Variants in CDK5RAP2 observed in about 807,000 individuals in gnomAD.
CDK5RAP2 encodes CDK5 regulatory subunit associated protein 2, also known as CDK5 regulatory subunit-associated protein 2.
CDK5RAP2 carries 147 observed loss-of-function variants against 232.9 expected under a neutral mutation model. The ratio of observed to expected loss-of-function variants is 0.63; its 90% CI spans 0.55 to 0.72. The LOEUF (loss-of-function observed/expected upper bound fraction) is 0.72, where lower values mean the gene tolerates loss of function less well. Ranked by LOEUF, CDK5RAP2 falls within the 30% of genes least tolerant of loss-of-function variation. The pLI is 0.00. For synonymous variants in CDK5RAP2, 833 were observed against 833.7 expected, an observed-to-expected ratio of 1.00 and a Z score of 0.01; for missense variants, 2,195 against 2,231.5, an observed-to-expected ratio of 0.98 and a Z score of 0.33.
chr9:120,393,838 C>T (rs2032217314), intron 36 of CDK5RAP2, among the ~76,000 whole-genome samples: 1 of 152,184 alleles, frequency 6.6e-6, no homozygotes, highest in Non-Finnish European at 1.5e-5. Flanking sequence ...CCTCTGGATC[C>T]CCAGCGTCCT....
intron 14 of CDK5RAP2, among the ~76,000 whole-genome samples, chr9:120,481,673 C>T (rs1223594041): frequency 1.3e-5 from 2 of 152,030 alleles, no homozygotes; most frequent in Non-Finnish European, 2.9e-5. Context: ...CCGCCACACT[C>T]GGCTAATTTT....
intron 10 of CDK5RAP2, among the ~76,000 whole-genome samples, chr9:120,527,003 G>A (rs747198678): frequency 2.1e-4 from 32 of 151,958 alleles, no homozygotes; most frequent in Non-Finnish European, 4.0e-4. Context: ...TCTGGATCAG[G>A]TCCCCTTCCC....
chr9:120,389,575 G>A lies in CDK5RAP2; in HGVS notation c.5625+166C>T, dbSNP rs554593281. 4.9e-4 allele frequency among the ~76,000 whole-genome samples: 75 copies of A among 152,196 alleles called. 1 individual carries two copies. Among genetic ancestry groups the A allele is most frequent in the African/African-American group, 1.7e-3 (69 of 41,520 alleles). Reference sequence around the variant, plus strand: ...AACTTAGAACCCCTACTGGCGACAGGGCATGATAAAACACAACTTTTCATG... The same window carrying A: ...AACTTAGAACCCCTACTGGCGACAGAGCATGATAAAACACAACTTTTCATG... On this transcript the variant is annotated intron_variant, in intron 37 of 37. Transcript: ENST00000349780.
chr9:120,480,359 A>G (rs1269614121), intron 14 of CDK5RAP2, among the ~76,000 whole-genome samples: 3 of 152,196 alleles, frequency 2.0e-5, no homozygotes, highest in Non-Finnish European at 4.4e-5. Context: ...ATTACCTTCA[A>G]TTATGAATTG....
chr9:120,467,795 G>C, intron 18 of CDK5RAP2, 65 bp downstream of exon 18: 1 of 1,564,146 alleles, frequency 6.4e-7, no homozygotes, highest in South Asian at 1.1e-5. Flanking sequence ...ACAGGCGTGA[G>C]CCACCATACC....
At position 120,394,196 on chromosome 9, in the gene CDK5RAP2, C is replaced by T. The variant is rs116591661; in HGVS notation, c.5578+316G>A. On this transcript the variant is annotated intron_variant, in intron 36 of 37. Coordinates refer to ENST00000349780, the MANE Select transcript of CDK5RAP2 (RefSeq NM_018249.6). ...GAGGTGGTCACTTTGTCTAAGACGC[C>T]CACCTTGCCGGGACAGAGTGACGGC... 5.7e-3 allele frequency among the ~76,000 whole-genome samples: 868 copies of T among 152,250 alleles called. 9 individuals carry two copies. Among genetic ancestry groups the T allele is most frequent in the African/African-American group, 0.02 (821 of 41,540 alleles).
chr9:120,573,212 T>C (rs928262512), intron 1 of CDK5RAP2, among the ~76,000 whole-genome samples: 1 of 152,144 alleles, frequency 6.6e-6, no homozygotes, highest in African/African-American at 2.4e-5. Flanking sequence ...GGCAAAAAAT[T>C]GGAAATATCA....
intron 3 of CDK5RAP2, 31 bp from the exon 4 acceptor site, chr9:120,550,933 G>T: frequency 7.7e-7 from 1 of 1,299,508 alleles, no homozygotes; most frequent in Non-Finnish European, 1.1e-6. Context: ...GTCATCAAAA[G>T]CAAACAAAAG....
In CDK5RAP2 at chr9:120,443,756, C is replaced by A; in HGVS notation, c.3026-14G>T. On this transcript the variant is annotated splice_polypyrimidine_tract_variant and intron_variant, in intron 22 of 37. Coordinates refer to ENST00000349780, the MANE Select transcript of CDK5RAP2 (RefSeq NM_018249.6). The stretch of plus-strand genomic sequence containing the variant: ...CAGGGGGCTGAGCTACAGGCAATCA[C>A]AAAGAGAAAGAAAAATAAATAAAAC... 2 of 1,613,530 alleles carry A rather than the reference C, an allele frequency of 1.2e-6. No individual in the cohort carries two copies. The highest frequency in any genetic ancestry group is 2.7e-5 in the African/African-American group (2 of 74,880).
At chr9:120,396,404 G>A (rs115742336) in intron 35 of CDK5RAP2, among the ~76,000 whole-genome samples, 1,915 of 152,344 alleles carry the variant, frequency 0.013, 41 homozygotes, top group African/African-American at 0.044. Flanking sequence ...CTATCACATT[G>A]CAGTAGAGTG....
chr9:120,573,530 T>G (rs1392692436), intron 1 of CDK5RAP2, among the ~76,000 whole-genome samples: 1 of 143,664 alleles, frequency 7.0e-6, no homozygotes, highest in African/African-American at 2.6e-5. Flanking sequence ...GCCTGGGTGA[T>G]AGAGTGAGAC....
intron 18 of CDK5RAP2, 42 bp from the exon 19 acceptor site, chr9:120,460,709 A>G: frequency 6.2e-7 from 1 of 1,613,552 alleles, no homozygotes; most frequent in Non-Finnish European, 8.5e-7. Flanking sequence ...AACCCAAAAA[A>G]GTGTGCAGCA....
intron 14 of CDK5RAP2, among the ~76,000 whole-genome samples, chr9:120,478,650 A>G (rs1410256084): frequency 6.6e-6 from 1 of 152,160 alleles, no homozygotes; most frequent in Non-Finnish European, 1.5e-5. Context: ...ATATGGTGGC[A>G]TGCACCTATA....
chr9:120,408,001 A>C (rs1278311623), intron 31 of CDK5RAP2: 3 of 335,576 alleles, frequency 8.9e-6, no homozygotes, highest in African/African-American at 2.1e-5. Context: ...GGTCTCATTC[A>C]ATTTTCAACA....
intron 4 of CDK5RAP2, among the ~76,000 whole-genome samples, chr9:120,549,002 C>T (rs1232234040): frequency 6.6e-6 from 1 of 152,044 alleles, no homozygotes; most frequent in Non-Finnish European, 1.5e-5. Flanking sequence ...ACCAAAAGTA[C>T]AAAAATTAGC....
At position 120,553,040 on chromosome 9, in the gene CDK5RAP2, T is replaced by C. The variant is rs901648449; in HGVS notation, c.196-2138A>G. Among the ~76,000 whole-genome samples, 9 of 152,130 alleles carry C rather than the reference T, an allele frequency of 5.9e-5. No individual in the cohort carries two copies. In the East Asian group the frequency reaches 1.2e-3, roughly 20 times the overall value. On this transcript the variant is annotated intron_variant, in intron 3 of 37. Coordinates refer to ENST00000349780, the MANE Select transcript of CDK5RAP2 (RefSeq NM_018249.6). ...CACAATAAAAAGTTGGGGGAAAAAA[T>C]AGTATATTAAGAAAAAGTATATTTA...
intron 12 of CDK5RAP2, 88 bp from the exon 13 acceptor site, chr9:120,491,565 G>A (rs766395001): frequency 3.4e-6 from 3 of 871,176 alleles, no homozygotes; most frequent in South Asian, 2.8e-5. Context: ...TGCTACAAGA[G>A]AGCAAGATAA....
intron 27 of CDK5RAP2, among the ~76,000 whole-genome samples, chr9:120,417,904 T>C (rs146959139): frequency 3.0e-4 from 45 of 152,260 alleles, no homozygotes; most frequent in African/African-American, 9.6e-4. Flanking sequence ...CCCTGCAGCA[T>C]TGTTTACAAT....
chr9:120,504,116 C>G (rs1041240842), intron 12 of CDK5RAP2, among the ~76,000 whole-genome samples: 1 of 152,116 alleles, frequency 6.6e-6, no homozygotes, highest in Non-Finnish European at 1.5e-5. Flanking sequence ...GTGACAATTT[C>G]ATATCCAGAT....
Sources: allele counts gnomAD v4.1 joint callset (sites outside exome capture counted in the v4.1 genomes callset), GRCh38; gene constraint gnomAD v4.1.1; transcripts MANE v1.5; gene names NCBI Gene and HGNC (gene_info 2026-07-23, HGNC 2026-07-21).